The following PTPN1 variants were observed in gnomAD, a reference collection of about 807,000 sequenced individuals.
The protein encoded by PTPN1 is tyrosine-protein phosphatase non-receptor type 1.
PTPN1 carries 12 observed loss-of-function variants against 59.9 expected under a neutral mutation model. That is an observed-to-expected ratio of 0.20 (90% CI 0.13 to 0.32). PTPN1 has a LOEUF of 0.32. PTPN1 is among the 10% of genes least tolerant of loss of function. The pLI is 1.00. For missense variants in PTPN1, 356 were observed against 549.2 expected (o/e 0.65, Z 3.52); for synonymous variants, 178 against 203.6 (o/e 0.87, Z 1.07).
Position 50,513,070 on chromosome 20 carries a change from CAA to C in PTPN1, c.63+2482_63+2483del, listed in dbSNP as rs760012181. Among the ~76,000 whole-genome samples, 4 of 152,222 alleles carry C rather than the reference CAA, an allele frequency of 2.6e-5. No homozygotes were observed. The South Asian group carries it at 6.2e-4, about 24-fold the overall frequency. On this transcript the variant is annotated intron_variant, in intron 1 of 9. Transcript: ENST00000371621. ...AACTTGAAAACTATTGGGAAAAGAA[CAA>C]AGAGTGAAGAGGACTTTTGAGTGCT...
At chr20:50,524,569 CTT>C (rs764474360) in intron 1 of PTPN1, among the ~76,000 whole-genome samples, 101 of 45,762 alleles carry the variant, frequency 2.2e-3, no homozygotes, top group East Asian at 5.6e-3. Flanking sequence ...ATTATGTGGT[CTT>C]TTTTTTTTTT....
chr20:50,539,072 G>T (rs1601396473), intron 1 of PTPN1, among the ~76,000 whole-genome samples: 1 of 88,164 alleles, frequency 1.1e-5, no homozygotes, highest in Non-Finnish European at 2.1e-5. Flanking sequence ...TTTCGCTCTT[G>T]TTGCCCAGGC....
At chr20:50,556,984 T>A (rs1239616174) in intron 1 of PTPN1, among the ~76,000 whole-genome samples, 1 of 152,182 alleles carries the variant, frequency 6.6e-6, no homozygotes, top group Non-Finnish European at 1.5e-5. Context: ...GACTTTACAT[T>A]TTCTTGTAGC....
rs999874468 is a variant in PTPN1, at chr20:50,585,137, C to G, written c.*2422C>G. The stretch of plus-strand genomic sequence containing the variant: ...CTGTAAGACACAATGGTTACCACAT[C>G]TCAGTACGTAAAGTCCACTTGATAT... On this transcript the variant is annotated 3_prime_UTR_variant, in exon 10 of 10. Coordinates refer to ENST00000371621, the MANE Select transcript of PTPN1 (RefSeq NM_002827.4). 2 of 152,198 alleles carry G rather than the reference C, an allele frequency of 1.3e-5. No homozygotes were observed. Among genetic ancestry groups the G allele is most frequent in the Non-Finnish European group, 2.9e-5 (2 of 68,040 alleles). The allele number at this position is 152,198 out of a possible 1,614,324, so 9.4% of individuals were successfully genotyped here. A position where few individuals can be genotyped will look rare whatever the true frequency, so the allele number is the denominator to read the frequency against.
chr20:50,539,552 C>T (rs2082639499), intron 1 of PTPN1, among the ~76,000 whole-genome samples: 3 of 151,354 alleles, frequency 2.0e-5, no homozygotes, highest in Admixed American at 1.3e-4. Context: ...TAAAGCATTG[C>T]TGTAAATGTT....
At position 50,574,664 on chromosome 20, in the gene PTPN1, G is replaced by A. The variant is rs950841020; in HGVS notation, c.492+10G>A. 3 of 1,599,474 alleles carry A rather than the reference G, an allele frequency of 1.9e-6. No individual in the cohort carries two copies. The highest frequency in any genetic ancestry group is 2.6e-6 in the Non-Finnish European group (3 of 1,175,332). ...ATTGGAAAACCTTACAGTGAGTATA[G>A]CACACACTTCAGCACTTCAGGCGGC... On this transcript the variant is annotated intron_variant, in intron 5 of 9. Coordinates refer to ENST00000371621, the MANE Select transcript of PTPN1 (RefSeq NM_002827.4).
At chr20:50,578,738 C>T in intron 6 of PTPN1, 109 bp downstream of exon 6, 2 of 893,826 alleles carry the variant, frequency 2.2e-6, no homozygotes, top group South Asian at 3.4e-5. Flanking sequence ...CAGAGACTCA[C>T]TGTGTTAGTC....
intron 1 of PTPN1, among the ~76,000 whole-genome samples, chr20:50,528,237 C>T (rs190419563): frequency 5.2e-4 from 79 of 152,298 alleles, no homozygotes; most frequent in African/African-American, 1.9e-3. Context: ...CCTCCCATGG[C>T]CCTCTGAAGG....
intron 6 of PTPN1, among the ~76,000 whole-genome samples, 173 bp from the exon 7 acceptor site, chr20:50,578,995 C>T (rs1236569909): frequency 6.6e-6 from 1 of 152,174 alleles, no homozygotes; most frequent in African/African-American, 2.4e-5. Context: ...GGCACCAAGC[C>T]TTTCATGAGG....
At chr20:50,580,191 C>T (rs893417644) in intron 8 of PTPN1, among the ~76,000 whole-genome samples, 12 of 152,032 alleles carry the variant, frequency 7.9e-5, no homozygotes, top group African/African-American at 2.4e-4. Flanking sequence ...ATGAGGGGCT[C>T]GGAGCCACCG....
At chr20:50,556,603 A>G (rs2082727008) in intron 1 of PTPN1, among the ~76,000 whole-genome samples, 1 of 152,168 alleles carries the variant, frequency 6.6e-6, no homozygotes, top group Non-Finnish European at 1.5e-5. Flanking sequence ...TTTAAATCCA[A>G]ATTGAATATG....
intron 1 of PTPN1, among the ~76,000 whole-genome samples, chr20:50,521,703 T>C (rs1483999451): frequency 6.6e-6 from 1 of 152,254 alleles, no homozygotes; most frequent in Non-Finnish European, 1.5e-5. Context: ...CTTCACGCAA[T>C]GCTTTTTAAA....
chr20:50,568,605 A>T lies in PTPN1; in HGVS notation c.354+127A>T. On this transcript the variant is annotated intron_variant, in intron 4 of 9. Transcript: ENST00000371621. This position sits in a 1 kb window ranked among gnomAD's most constrained non-coding sequence, Gnocchi z 5.6. The stretch of plus-strand genomic sequence containing the variant: ...TTCCTTTACGTAGTATTTTTATTTA[A>T]AAAAATTAAAACAGCAGCATATAAA... 2 of 742,312 alleles carry T rather than the reference A, an allele frequency of 2.7e-6. No homozygotes were observed. The highest frequency in any genetic ancestry group is 4.4e-6 in the Non-Finnish European group (2 of 451,070). 46.0% of individuals were successfully genotyped at this position (742,312 alleles called of 1,614,324 possible). A position where few individuals can be genotyped will look rare whatever the true frequency, so the allele number is the denominator to read the frequency against.
chr20:50,511,538 C>A (rs2082507421), intron 1 of PTPN1, among the ~76,000 whole-genome samples: 1 of 152,180 alleles, frequency 6.6e-6, no homozygotes, highest in African/African-American at 2.4e-5. Flanking sequence ...AAAATAGCAT[C>A]TTTCCTCAAT....
chr20:50,574,740 T>C (rs1233950878), intron 5 of PTPN1, 86 bp downstream of exon 5: 2 of 1,476,714 alleles, frequency 1.4e-6, no homozygotes, highest in Non-Finnish European at 1.8e-6. Flanking sequence ...TTACCTAATG[T>C]CAGTGTTCCT....
rs758318058 is a variant in PTPN1, at chr20:50,510,430, GA to G, written c.-97del. ...GGCGGCGGTAGCTGCAGGGGTCGGG[GA>G]TTGCAGCGGGCCTCGGGGCTAAGAG... is the stretch of plus-strand genomic sequence containing the variant. On this transcript the variant is annotated 5_prime_UTR_variant, in exon 1 of 10. Transcript: ENST00000371621. The G allele has an allele frequency of 4.7e-5, 63 of 1,346,270 alleles. No individual in the cohort carries two copies. The highest frequency in any genetic ancestry group is 5.9e-5 in the Non-Finnish European group (58 of 983,068). 83.4% of individuals were successfully genotyped at this position (1,346,270 alleles called of 1,614,324 possible). A position where few individuals can be genotyped will look rare whatever the true frequency, so the allele number is the denominator to read the frequency against.
At chr20:50,555,976 G>A (rs994773387) in intron 1 of PTPN1, among the ~76,000 whole-genome samples, 3 of 151,608 alleles carry the variant, frequency 2.0e-5, no homozygotes, top group Non-Finnish European at 2.9e-5. Flanking sequence ...ACTGCTGAAT[G>A]CTTCCAAATG....
At position 50,551,739 on chromosome 20, in the gene PTPN1, A is replaced by G. The variant is rs1316884088; in HGVS notation, c.64-9624A>G. On this transcript the variant is annotated intron_variant, in intron 1 of 9. Transcript: ENST00000371621. ...CTATTTCCCATTGGTAAAATTTCTA[A>G]TTTAGTGTGATCCAGCCCTGAAATG... Among the ~76,000 whole-genome samples the G allele has an allele frequency of 2.0e-5, 3 of 152,318 alleles. No homozygotes were observed. The East Asian group carries it at 5.8e-4, about 29-fold the overall frequency.
In PTPN1 at chr20:50,568,357, G is replaced by A. The variant is rs371544725; in HGVS notation, c.256-23G>A. The A allele has an allele frequency of 2.5e-6, 4 of 1,597,978 alleles. No individual in the cohort carries two copies. The East Asian group carries it at 8.9e-5, about 36-fold the overall frequency. Reference sequence around the variant, plus strand: ...GCATGTTATGTTTCAGATGTCACATGTTGTGTTATTGTGTCTTTGCAGGGC... The same window carrying A: ...GCATGTTATGTTTCAGATGTCACATATTGTGTTATTGTGTCTTTGCAGGGC... On this transcript the variant is annotated intron_variant, in intron 3 of 9. Transcript: ENST00000371621. The surrounding 1 kb of genome is among the most constrained non-coding windows in gnomAD (Gnocchi z 5.6).
Sources: gnomAD v4.1 joint callset for allele counts (sites outside exome capture counted in the v4.1 genomes callset) on GRCh38, gnomAD v4.1.1 for gene constraint, Gnocchi (gnomAD v3.1) non-coding constraint, MANE v1.5 for transcripts, NCBI Gene and HGNC (gene_info 2026-07-23, HGNC 2026-07-21) for gene names.